The following PLEKHA6 variants were observed in gnomAD, a reference collection of about 807,000 sequenced individuals.
PLEKHA6 encodes pleckstrin homology domain containing A6, also known as pleckstrin homology domain-containing family A member 6.
PLEKHA6 carries 60 observed loss-of-function variants against 116.7 expected under a neutral mutation model. The ratio of observed to expected loss-of-function variants is 0.51; its 90% CI spans 0.42 to 0.64. The LOEUF is 0.64. Among genes scored for constraint, PLEKHA6 ranks in the 30% least tolerant of loss-of-function variants. The pLI, the probability that PLEKHA6 is intolerant of heterozygous loss-of-function variation, is 0.00. For missense variants in PLEKHA6, 1,338 were observed against 1,422.7 expected, an observed-to-expected ratio of 0.94 and a Z score of 0.96; for synonymous variants, 489 against 556.1, an observed-to-expected ratio of 0.88 and a Z score of 1.70.
chr1:204,371,053 C>CAAAAAAAAAAAA (rs34493461), intron 2 of PLEKHA6, among the ~76,000 whole-genome samples: 16 of 68,486 alleles, frequency 2.3e-4, no homozygotes, highest in African/African-American at 7.7e-4. Context: ...GACTCTGCCT[C>CAAAAAAAAAAAA]AAAAAAAAAA....
intron 3 of PLEKHA6, among the ~76,000 whole-genome samples, chr1:204,271,327 T>G (rs1336887155): frequency 6.6e-6 from 1 of 152,132 alleles, no homozygotes; most frequent in Non-Finnish European, 1.5e-5. Context: ...TTTCATCTCT[T>G]TATCACCAGA....
In PLEKHA6 at chr1:204,261,475, T is replaced by TGGCCTC; in HGVS notation, c.382-33_382-28dup. 6.3e-7 allele frequency: 1 copy of TGGCCTC among 1,585,798 alleles called. No homozygotes were observed. The highest frequency in any genetic ancestry group is 8.6e-7 in the Non-Finnish European group (1 of 1,164,452). On this transcript the variant is annotated intron_variant, in intron 6 of 22. Coordinates refer to ENST00000272203, the MANE Select transcript of PLEKHA6 (RefSeq NM_014935.5). The surrounding 1 kb of genome is among the most constrained non-coding windows in gnomAD (Gnocchi z 4.0). ...TGTGGGGAGAGGCAGCGTGTGGAGCTGGCCTCGGCCTCATCCACCCAGCAC... is the reference window on the plus strand; with the variant it reads ...TGTGGGGAGAGGCAGCGTGTGGAGCTGGCCTCGGCCTCGGCCTCATCCACCCAGCAC...
At chr1:204,348,950 T>C (rs1673176074) in intron 1 of PLEKHA6, among the ~76,000 whole-genome samples, 1 of 152,192 alleles carries the variant, frequency 6.6e-6, no homozygotes, top group African/African-American at 2.4e-5. Context: ...GAGGTCCAGT[T>C]GCTTGGCAAC....
intron 4 of PLEKHA6, 103 bp from the exon 5 acceptor site, chr1:204,267,650 G>A: frequency 1.0e-6 from 1 of 963,464 alleles, no homozygotes. Flanking sequence ...AGGACATCCT[G>A]GCCCTAGCTG....
At chr1:204,313,360 G>C (rs1357168600) in intron 1 of PLEKHA6, among the ~76,000 whole-genome samples, 1 of 152,036 alleles carries the variant, frequency 6.6e-6, no homozygotes, top group Non-Finnish European at 1.5e-5. Flanking sequence ...CTAACTTACA[G>C]GGTGCTGGAA....
At chr1:204,251,296 T>G (rs1480276341) in intron 9 of PLEKHA6, among the ~76,000 whole-genome samples, 2 of 152,142 alleles carry the variant, frequency 1.3e-5, no homozygotes, top group Non-Finnish European at 1.5e-5. Flanking sequence ...CAGCATGGCA[T>G]GAGATGTTGG....
At chr1:204,363,685 C>T (rs1673601717), upstream of PLEKHA6, among the ~76,000 whole-genome samples, 1 of 152,114 alleles carries the variant, frequency 6.6e-6, no homozygotes, top group South Asian at 2.1e-4. Context: ...GATCTTTAAG[C>T]ATCAGAAAGA....
Position 204,245,001 on chromosome 1 carries a change from C to T in PLEKHA6, c.2035G>A (p.Gly679Arg), listed in dbSNP as rs1462401370. 2.1e-6 allele frequency: 3 copies of T among 1,423,562 alleles called. No individual in the cohort carries two copies. Among genetic ancestry groups the T allele is most frequent in the Non-Finnish European group, 2.8e-6 (3 of 1,086,516 alleles). The allele number at this position is 1,423,562 out of a possible 1,614,324, so 88.2% of individuals were successfully genotyped here. A position where few individuals can be genotyped will look rare whatever the true frequency, so the allele number is the denominator to read the frequency against. Residue 679 changes from glycine (G) to arginine (R), a missense_variant and splice_region_variant, in exon 15 of 23, where the codon GGA becomes AGA. Transcript: ENST00000272203. ...RGTDTAKHRGGLGPSATYSSN... is the reference protein window; with the variant it reads ...RGTDTAKHRGRLGPSATYSSN... ...CTGTAGGTGGCTGAGGGGCCAAGTC[C>T]TCCTTGGGGGAAACAAGGGGATGGG...
chr1:204,227,511 G>T (rs568478081), intron 21 of PLEKHA6, among the ~76,000 whole-genome samples: 1 of 152,280 alleles, frequency 6.6e-6, no homozygotes, highest in African/African-American at 2.4e-5. Flanking sequence ...TCAGGACCTG[G>T]TAGCCTTTGT....
At chr1:204,260,341 A>G (rs896549472) in intron 7 of PLEKHA6, among the ~76,000 whole-genome samples, 1 of 152,218 alleles carries the variant, frequency 6.6e-6, no homozygotes, top group African/African-American at 2.4e-5. Flanking sequence ...TCACAAGCAC[A>G]TAAACACGCT....
chr1:204,365,097 A>G (rs141989213), intron 3 of PLEKHA6, among the ~76,000 whole-genome samples: 26 of 152,226 alleles, frequency 1.7e-4, no homozygotes, highest in African/African-American at 6.3e-4. Flanking sequence ...TGAGGGAACC[A>G]CAAGTGATTT....
intron 21 of PLEKHA6, among the ~76,000 whole-genome samples, chr1:204,224,921 T>C (rs1484429815): frequency 6.6e-6 from 1 of 152,150 alleles, no homozygotes; most frequent in Non-Finnish European, 1.5e-5. Flanking sequence ...GAAGCCAACA[T>C]AGAGGTTATA....
rs766849050 is a variant in PLEKHA6, at chr1:204,291,961, C to T, written c.-94-17152G>A. On this transcript the variant is annotated intron_variant, in intron 1 of 22. Transcript: ENST00000272203. Reference sequence around the variant, plus strand: ...GCCTTCAATTGAGACATTAAAACAACGACTGCTATTATTGGGCACACCCAT... The same window carrying T: ...GCCTTCAATTGAGACATTAAAACAATGACTGCTATTATTGGGCACACCCAT... 3.9e-5 allele frequency among the ~76,000 whole-genome samples: 6 copies of T among 152,258 alleles called. No homozygotes were observed. The East Asian group carries it at 7.7e-4, about 20-fold the overall frequency.
chr1:204,226,037 C>A (rs568118074), intron 21 of PLEKHA6, among the ~76,000 whole-genome samples: 1 of 152,358 alleles, frequency 6.6e-6, no homozygotes, highest in East Asian at 1.9e-4. Flanking sequence ...CTGAACTCTA[C>A]TCGCTGCACC....
rs374804374 is a variant in PLEKHA6 at position 204,241,913 on chromosome 1, C to T, written c.2173-99G>A. On this transcript the variant is annotated intron_variant, in intron 15 of 22. Coordinates refer to ENST00000272203, the MANE Select transcript of PLEKHA6 (RefSeq NM_014935.5). ...TGTTTTTTAATGGTTGAAGCTCAAA[C>T]CCTTGCAGATACAAGGAACAAGGAA... 7.6e-6 allele frequency: 10 copies of T among 1,309,488 alleles called. No homozygotes were observed. The East Asian group carries it at 9.3e-5, about 12-fold the overall frequency. 81.1% of individuals were successfully genotyped at this position (1,309,488 alleles called of 1,614,324 possible).
Position 204,248,920 on chromosome 1 carries a change from A to G in PLEKHA6, c.1725T>C (p.Phe575=). The stretch of plus-strand genomic sequence containing the variant: ...TTTCTGGGTAGGCGGGCTGGCTTCC[A>G]AACATCTCCAGCTCCTGGTGGGTCC... ...LMGTHQELEM[F]GSQPAYPEKL... Residue 575 remains phenylalanine (F), a synonymous_variant, in exon 12 of 23, where the codon TTT becomes TTC. Coordinates refer to ENST00000272203, the MANE Select transcript of PLEKHA6 (RefSeq NM_014935.5). 6.2e-7 allele frequency: 1 copy of G among 1,614,128 alleles called. No homozygotes were observed. The highest frequency in any genetic ancestry group is 1.3e-5 in the African/African-American group (1 of 75,040).
chr1:204,253,839 A>C (rs938949481), intron 9 of PLEKHA6, among the ~76,000 whole-genome samples: 3 of 146,444 alleles, frequency 2.0e-5, no homozygotes, highest in African/African-American at 7.6e-5. Flanking sequence ...GTCTCAAAAA[A>C]AAAAAAAAAA....
intron 1 of PLEKHA6, among the ~76,000 whole-genome samples, chr1:204,310,925 G>A (rs1033702674): frequency 2.6e-5 from 4 of 152,152 alleles, no homozygotes; most frequent in African/African-American, 9.7e-5. Context: ...TGATGATGCG[G>A]GTGTGGGGAG....
chr1:204,314,133 C>T (rs1441536984), intron 1 of PLEKHA6, among the ~76,000 whole-genome samples: 2 of 152,124 alleles, frequency 1.3e-5, no homozygotes, highest in African/African-American at 2.4e-5. Context: ...GGTCCCAGAG[C>T]CATATCCTGC....
Sources: gnomAD v4.1 joint callset for allele counts (sites outside exome capture counted in the v4.1 genomes callset) on GRCh38, gnomAD v4.1.1 for gene constraint, Gnocchi (gnomAD v3.1) non-coding constraint, MANE v1.5 for transcripts, NCBI Gene and HGNC (gene_info 2026-07-23, HGNC 2026-07-21) for gene names.